FSHR: variants seen among roughly 807,000 people sequenced by gnomAD.
FSHR encodes follicle stimulating hormone receptor, also known as follicle-stimulating hormone receptor.
In FSHR, 46 loss-of-function variants were observed where a neutral mutation model predicts 52.1. The observed-to-expected ratio is 0.88, with a 90% CI of 0.70 to 1.13. The LOEUF (loss-of-function observed/expected upper bound fraction) is 1.13. Among genes scored for constraint, FSHR ranks in the 50% most tolerant of loss-of-function variants. The pLI is 0.00. For synonymous variants in FSHR, 399 were observed against 309.6 expected (o/e 1.29, Z -3.03); for missense variants, 964 against 834.6 (o/e 1.16, Z -1.91).
intron 2 of FSHR, among the ~76,000 whole-genome samples, chr2:49,063,607 A>T (rs1262608311): frequency 6.6e-6 from 1 of 152,090 alleles, no homozygotes; most frequent in Admixed American, 6.6e-5. Flanking sequence ...TCATATGTGG[A>T]AGCTAAAAAA....
At chr2:48,969,816 G>A (rs1004707210) in intron 8 of FSHR, among the ~76,000 whole-genome samples, 1 of 152,206 alleles carries the variant, frequency 6.6e-6, no homozygotes, top group South Asian at 2.1e-4. Flanking sequence ...CAGCACCAGT[G>A]ATGTGGGCGC....
chr2:49,124,584 A>G (rs1029269639), intron 1 of FSHR, among the ~76,000 whole-genome samples: 4 of 151,788 alleles, frequency 2.6e-5, no homozygotes, highest in Non-Finnish European at 5.9e-5. Context: ...TTATAACCCT[A>G]TAACAATTTT....
At chr2:49,142,393 A>G (rs1672718949) in intron 1 of FSHR, among the ~76,000 whole-genome samples, 1 of 152,302 alleles carries the variant, frequency 6.6e-6, no homozygotes, top group Non-Finnish European at 1.5e-5. Context: ...AAATAGATCT[A>G]AGGTAGGAAA....
At chr2:49,137,177 A>C (rs910444833) in intron 1 of FSHR, among the ~76,000 whole-genome samples, 1 of 152,144 alleles carries the variant, frequency 6.6e-6, no homozygotes, top group African/African-American at 2.4e-5. Context: ...ATACAAAATC[A>C]ATATACCAAA....
intron 6 of FSHR, among the ~76,000 whole-genome samples, chr2:48,985,472 A>G (rs1483852968): frequency 6.6e-6 from 1 of 152,126 alleles, no homozygotes; most frequent in Non-Finnish European, 1.5e-5. Flanking sequence ...CTGGCTGGCC[A>G]TAGCTAGGTG....
At chr2:49,120,881 C>T (rs552059758) in intron 1 of FSHR, among the ~76,000 whole-genome samples, 13 of 152,250 alleles carry the variant, frequency 8.5e-5, no homozygotes, top group Non-Finnish European at 1.3e-4. Flanking sequence ...ATATTATATC[C>T]GTACAGGTTG....
chr2:49,014,400 G>C (rs1350894511), intron 4 of FSHR, among the ~76,000 whole-genome samples: 1 of 151,990 alleles, frequency 6.6e-6, no homozygotes, highest in Non-Finnish European at 1.5e-5. Flanking sequence ...AAGACACAAA[G>C]AGGAGGATGG....
chr2:48,975,499 G>T (rs573070540), intron 8 of FSHR, among the ~76,000 whole-genome samples: 1 of 152,122 alleles, frequency 6.6e-6, no homozygotes, highest in South Asian at 2.1e-4. Flanking sequence ...TGCTTGGACT[G>T]AGAATTAGAT....
chr2:49,093,658 G>A (rs1278874116), intron 1 of FSHR, among the ~76,000 whole-genome samples: 2 of 144,032 alleles, frequency 1.4e-5, no homozygotes, highest in African/African-American at 2.6e-5. Flanking sequence ...TCATTGGTAC[G>A]ATCGCAGCTC....
chr2:48,982,144 C>T (rs999457323), intron 8 of FSHR, among the ~76,000 whole-genome samples: 2 of 152,088 alleles, frequency 1.3e-5, no homozygotes, highest in South Asian at 2.1e-4. Context: ...CCAAAGAAGC[C>T]TTAAAGGCCA....
In FSHR at chr2:48,962,448, T is replaced by A; in HGVS notation, c.*285A>T. 2.5e-6 allele frequency: 1 copy of A among 392,384 alleles called. No homozygotes were observed. The highest frequency in any genetic ancestry group is 4.8e-6 in the Non-Finnish European group (1 of 210,488). 24.3% of individuals were successfully genotyped at this position (392,384 alleles called of 1,614,324 possible). On this transcript the variant is annotated 3_prime_UTR_variant, in exon 10 of 10. Transcript: ENST00000406846. ...CTTATTTAACAGGGATCACTTGAGA[T>A]ATCTGAACAAAAGCACTTTGAACAT... is the stretch of plus-strand genomic sequence containing the variant.
intron 1 of FSHR, among the ~76,000 whole-genome samples, chr2:49,143,946 A>C (rs1266144918): frequency 6.6e-6 from 1 of 152,098 alleles, no homozygotes; most frequent in African/African-American, 2.4e-5. Context: ...GATTGGTGGA[A>C]AGTATATTTA....
intron 1 of FSHR, among the ~76,000 whole-genome samples, chr2:49,127,519 TACACACACACACAC>T (rs72289679): frequency 6.8e-6 from 1 of 147,040 alleles, no homozygotes; most frequent in Non-Finnish European, 1.5e-5. Context: ...ACCACCACAA[TACACACACACACAC>T]ACACACACAC....
chr2:49,122,031 T>C (rs1003654847), intron 1 of FSHR, among the ~76,000 whole-genome samples: 1 of 152,334 alleles, frequency 6.6e-6, no homozygotes, highest in Non-Finnish European at 1.5e-5. Flanking sequence ...CCACTACAAA[T>C]TGCTCATAAC....
chr2:48,977,119 CT>C, intron 8 of FSHR, among the ~76,000 whole-genome samples: 1 of 139,220 alleles, frequency 7.2e-6, no homozygotes, highest in Middle Eastern at 3.5e-3. Context: ...ATAAAATCCC[CT>C]CTCCTCTCTC....
chr2:48,963,178 C>T lies in FSHR; in HGVS notation c.1643G>A (p.Cys548Tyr), dbSNP rs368367400. 2 of 1,613,958 alleles carry T rather than the reference C, an allele frequency of 1.2e-6. No individual in the cohort carries two copies. Among genetic ancestry groups the T allele is most frequent in the African/African-American group, 2.7e-5 (2 of 74,908 alleles). The change falls in exon 10 of 10, where the codon TGC (cysteine) becomes TAC (tyrosine). Residue 548 changes from cysteine to tyrosine, a missense_variant. By Grantham distance (194) the Cys-to-Tyr change is radical. Coordinates refer to ENST00000406846, the MANE Select transcript of FSHR (RefSeq NM_000145.4). The part of the protein sequence containing the change: ...NVLAFVVICG[C>Y]YIHIYLTVRN... The stretch of plus-strand genomic sequence containing the variant: ...CACTGTGAGGTAGATGTGGATATAG[C>T]AGCCACAGATGACCACAAAGGCCAG...
At chr2:48,966,632 C>T in intron 9 of FSHR, among the ~76,000 whole-genome samples, 1 of 152,110 alleles carries the variant, frequency 6.6e-6, no homozygotes, top group South Asian at 2.1e-4. Context: ...CGCTACCAAA[C>T]CACATCTACT....
intron 1 of FSHR, among the ~76,000 whole-genome samples, chr2:49,110,363 T>A (rs914509580): frequency 6.6e-6 from 1 of 152,146 alleles, no homozygotes; most frequent in Non-Finnish European, 1.5e-5. Context: ...GCTGACTCTT[T>A]TAACTACTTA....
chr2:49,114,870 T>G (rs1029723498), intron 1 of FSHR, among the ~76,000 whole-genome samples: 11 of 151,928 alleles, frequency 7.2e-5, no homozygotes, highest in Non-Finnish European at 1.5e-4. Context: ...ACCTTTGTGG[T>G]AGAATCAATG....
Sources: gnomAD v4.1 joint callset for allele counts (sites outside exome capture counted in the v4.1 genomes callset) on GRCh38, gnomAD v4.1.1 for gene constraint, MANE v1.5 for transcripts, NCBI Gene and HGNC (gene_info 2026-07-23, HGNC 2026-07-21) for gene names.